Variants in DYNC2H1 observed in about 807,000 individuals in gnomAD.
DYNC2H1 encodes cytoplasmic dynein 2 heavy chain 1.
A neutral mutation model predicts 570.0 loss-of-function variants in DYNC2H1; 410 were observed. The ratio of observed to expected loss-of-function variants is 0.72; its 90% CI spans 0.66 to 0.78. The LOEUF is 0.78. Among genes scored for constraint, DYNC2H1 ranks in the 30% least tolerant of loss-of-function variants. The pLI is 0.00. For synonymous variants in DYNC2H1, 1,688 were observed against 1,677.6 expected (o/e 1.01, Z -0.15); for missense variants, 4,865 against 5,046.4 (o/e 0.96, Z 1.09).
Position 103,409,737 on chromosome 11 carries a change from C to G in DYNC2H1, c.12366+9865C>G, listed in dbSNP as rs111803453. The G allele has an allele frequency of 3.0e-3, 463 of 154,854 alleles. 1 individual carries two copies. Among genetic ancestry groups the G allele is most frequent in the Middle Eastern group, 9.8e-3 (3 of 306 alleles). The allele number at this position is 154,854 out of a possible 1,614,324, so 9.6% of individuals were successfully genotyped here. ...TCACTGCTACTCATGAATCTTCCCA[C>G]TATTTTGCCACATAGGTAGGTGTGC... On this transcript the variant is annotated intron_variant, in intron 84 of 88. Transcript: ENST00000375735.
At position 103,156,565 on chromosome 11, in the gene DYNC2H1, C is replaced by T; in HGVS notation, c.3922C>T (p.Leu1308Phe). 2 of 1,613,546 alleles carry T rather than the reference C, an allele frequency of 1.2e-6. No individual in the cohort carries two copies. The highest frequency in any genetic ancestry group is 1.7e-6 in the Non-Finnish European group (2 of 1,179,604). ...IVNQVGDNRC[L>F]LQSLKDSPYY... is the part of the protein sequence containing the mutation. Reference sequence around the variant, plus strand: ...AAATCAGGTTGGAGATAATAGATGCCTTCTCCAATCCTTAAAGGATTCTCC... The same window carrying T: ...AAATCAGGTTGGAGATAATAGATGCTTTCTCCAATCCTTAAAGGATTCTCC... Residue 1308 changes from leucine to phenylalanine, a missense_variant, in exon 26 of 89, where the codon CTT becomes TTT. Physicochemically the swap from Leu to Phe is conservative, Grantham distance 22 (BLOSUM62 0). Transcript: ENST00000375735.
At chr11:103,375,526 A>G (rs1187760747) in intron 83 of DYNC2H1, among the ~76,000 whole-genome samples, 1 of 152,194 alleles carries the variant, frequency 6.6e-6, no homozygotes, top group Admixed American at 6.5e-5. Context: ...GTACCCTGCA[A>G]AGCCACAGAG....
intron 1 of DYNC2H1, among the ~76,000 whole-genome samples, chr11:103,111,815 CT>C (rs1251745820): frequency 6.6e-6 from 1 of 152,016 alleles, no homozygotes; most frequent in Non-Finnish European, 1.5e-5. Flanking sequence ...TTCAGTTGTA[CT>C]TTAGTTGCCT....
Position 103,304,668 on chromosome 11 carries a change from T to A in DYNC2H1, c.11330T>A (p.Leu3777His), listed in dbSNP as rs763293337. 1.2e-6 allele frequency: 2 copies of A among 1,613,464 alleles called. No individual in the cohort carries two copies. Among genetic ancestry groups the A allele is most frequent in the Non-Finnish European group, 1.7e-6 (2 of 1,179,552 alleles). ...GAATGTGCCCGCAATGGAGACTGGC[T>A]CTGTTTGAAGAACTTACATCTTGTG... The part of the protein sequence containing the change: ...LKECARNGDW[L>H]CLKNLHLVVS... Residue 3777 changes from leucine to histidine, a missense_variant, in exon 77 of 89, where the codon CTC (leucine) becomes CAC (histidine). Leu to His is a moderately conservative substitution (Grantham distance 99, BLOSUM62 -3). Around this residue, in one of 5 missense-constraint regions of DYNC2H1, gnomAD observed 2,401 missense variants for 2,454.6 expected, o/e 0.98. Coordinates refer to ENST00000375735, the MANE Select transcript of DYNC2H1 (RefSeq NM_001377.3).
chr11:103,387,715 T>C (rs373922990), intron 83 of DYNC2H1, among the ~76,000 whole-genome samples: 28 of 152,196 alleles, frequency 1.8e-4, no homozygotes, highest in African/African-American at 5.8e-4. Flanking sequence ...CAGCTTTCTA[T>C]ATATGGCTAG....
intron 83 of DYNC2H1, among the ~76,000 whole-genome samples, chr11:103,383,629 A>G (rs983569984): frequency 6.8e-6 from 1 of 146,378 alleles, no homozygotes; most frequent in Non-Finnish European, 1.5e-5. Context: ...ACCCACCACC[A>G]CGCCCAGCTA....
rs1860894049 is a variant in DYNC2H1 at position 103,157,590 on chromosome 11, C to T, written c.4127+820C>T. On this transcript the variant is annotated intron_variant, in intron 26 of 88. Coordinates refer to ENST00000375735, the MANE Select transcript of DYNC2H1 (RefSeq NM_001377.3). The surrounding 1 kb of genome is among the most constrained non-coding windows in gnomAD (Gnocchi z 4.2). The stretch of plus-strand genomic sequence containing the variant: ...GTTGATTCTAACCTGCTTAGTATAT[C>T]TTGAGCCAAATACCTGTACAGAAGT... Among the ~76,000 whole-genome samples the T allele has an allele frequency of 6.6e-6, 1 of 152,204 alleles. No homozygotes were observed. Among genetic ancestry groups the T allele is most frequent in the Non-Finnish European group, 1.5e-5 (1 of 68,020 alleles).
chr11:103,150,810 C>T (rs1860496712), intron 20 of DYNC2H1, among the ~76,000 whole-genome samples: 1 of 151,908 alleles, frequency 6.6e-6, no homozygotes, highest in South Asian at 2.1e-4. Flanking sequence ...TGTAGTGTCA[C>T]AAAAGCTAAA....
At chr11:103,312,380 CAAAA>C (rs775259300) in intron 79 of DYNC2H1, among the ~76,000 whole-genome samples, 1 of 48,122 alleles carries the variant, frequency 2.1e-5, no homozygotes. Context: ...AACTCCATCT[CAAAA>C]AAAAAAAAAA....
intron 22 of DYNC2H1, 54 bp downstream of exon 22, chr11:103,153,562 A>G: frequency 7.1e-7 from 1 of 1,409,612 alleles, no homozygotes; most frequent in East Asian, 2.5e-5. Context: ...CAATTTATAT[A>G]TCAAGCTAGT....
At chr11:103,297,129 C>T (rs1308384158) in intron 75 of DYNC2H1, among the ~76,000 whole-genome samples, 2 of 151,940 alleles carry the variant, frequency 1.3e-5, no homozygotes, top group Non-Finnish European at 2.9e-5. Context: ...ATTTCCAGCC[C>T]TGGAATTCTA....
chr11:103,349,607 A>G (rs1939942359), intron 82 of DYNC2H1, among the ~76,000 whole-genome samples: 1 of 152,172 alleles, frequency 6.6e-6, no homozygotes, highest in African/African-American at 2.4e-5. Flanking sequence ...TACTGCAAAT[A>G]ATATAGCTCA....
At chr11:103,359,376 C>G (rs1940520327) in intron 83 of DYNC2H1, among the ~76,000 whole-genome samples, 1 of 152,084 alleles carries the variant, frequency 6.6e-6, no homozygotes, top group Non-Finnish European at 1.5e-5. Flanking sequence ...TTGACTCTTC[C>G]ATCTGTGCAA....
In DYNC2H1 at chr11:103,168,778, C is replaced by T. The variant is rs199987037; in HGVS notation, c.4786C>T (p.Leu1596Phe). The T allele has an allele frequency of 5.6e-6, 9 of 1,612,896 alleles. 1 individual carries two copies. Among genetic ancestry groups the T allele is most frequent in the Middle Eastern group, 1.7e-4 (1 of 5,942 alleles). ...AGAATCGGGCATCCTGGAGCTTAAA[C>T]TTAAAGCCCTAATTCTTGACATTAT... Reference protein sequence around the residue: ...NTESGILELKLKALILDIIHN... With the variant: ...NTESGILELKFKALILDIIHN... Residue 1596 changes from leucine (L) to phenylalanine (F), a missense_variant, in exon 32 of 89, where the codon CTT (leucine) becomes TTT (phenylalanine). By Grantham distance (22) the Leu-to-Phe change is conservative. Transcript: ENST00000375735.
intron 40 of DYNC2H1, 140 bp from the exon 41 acceptor site, chr11:103,184,756 C>A: frequency 1.4e-6 from 1 of 728,922 alleles, no homozygotes; most frequent in Non-Finnish European, 2.1e-6. Context: ...GAATGAAATC[C>A]AAACTTTCTA....
At chr11:103,137,942 C>G (rs564571238) in intron 17 of DYNC2H1, among the ~76,000 whole-genome samples, 2 of 149,884 alleles carry the variant, frequency 1.3e-5, no homozygotes, top group Non-Finnish European at 1.5e-5. Flanking sequence ...AGGTCCTTCA[C>G]GTCCCTTGTA....
chr11:103,145,572 A>G lies in DYNC2H1; in HGVS notation c.2702+2177A>G, dbSNP rs1860201885. Reference sequence around the variant, plus strand: ...CTTGCCAAAAGAAAAAAAAATAAAAACAACAATGCCTATCCCACACTGTAT... The same window carrying G: ...CTTGCCAAAAGAAAAAAAAATAAAAGCAACAATGCCTATCCCACACTGTAT... On this transcript the variant is annotated intron_variant, in intron 18 of 88. Coordinates refer to ENST00000375735, the MANE Select transcript of DYNC2H1 (RefSeq NM_001377.3). The surrounding 1 kb of genome is among the most constrained non-coding windows in gnomAD (Gnocchi z 4.2). Among the ~76,000 whole-genome samples the G allele has an allele frequency of 6.6e-6, 1 of 152,170 alleles. No individual in the cohort carries two copies. Among genetic ancestry groups the G allele is most frequent in the East Asian group, 1.9e-4 (1 of 5,198 alleles).
At chr11:103,132,463 T>C (rs569315127) in intron 13 of DYNC2H1, among the ~76,000 whole-genome samples, 35 of 152,190 alleles carry the variant, frequency 2.3e-4, no homozygotes, top group Non-Finnish European at 3.7e-4. Context: ...ATAATTCTTA[T>C]GTCAGATTCA....
At chr11:103,445,223 T>C (rs613099) in intron 85 of DYNC2H1, among the ~76,000 whole-genome samples, 81,210 of 152,050 alleles carry the variant, frequency 0.53, 22,346 homozygotes, top group African/African-American at 0.67. Context: ...AGATTATGGA[T>C]AGTCACATAA....
Sources: allele counts gnomAD v4.1 joint callset (sites outside exome capture counted in the v4.1 genomes callset), GRCh38; gene constraint gnomAD v4.1.1; regional missense constraint gnomAD v4.1.1; non-coding constraint Gnocchi (gnomAD v3.1); transcripts MANE v1.5; gene names NCBI Gene and HGNC (gene_info 2026-07-23, HGNC 2026-07-21).